Variants in EYS observed in about 807,000 individuals in gnomAD.
The protein encoded by EYS is protein eyes shut homolog.
EYS carries 250 observed loss-of-function variants against 282.1 expected under a neutral mutation model. That is an observed-to-expected ratio of 0.89 (90% CI 0.80 to 0.98). The LOEUF is 0.98. Ranked by LOEUF, EYS falls within the 50% of genes least tolerant of loss-of-function variation. The pLI, the probability that EYS is intolerant of heterozygous loss-of-function variation, is 0.00. For synonymous variants in EYS, 1,355 were observed against 1,282.9 expected (o/e 1.06, Z -1.20); for missense variants, 4,016 against 3,709.0 (o/e 1.08, Z -2.15).
At chr6:65,210,822 A>AAATATTTTTAGACAAAT (rs1491192342) in intron 12 of EYS, among the ~76,000 whole-genome samples, 1 of 151,980 alleles carries the variant, frequency 6.6e-6, no homozygotes, top group Non-Finnish European at 1.5e-5. Context: ...AGTTTTAGAC[A>AAATATTTTTAGACAAAT]AAGTTTTAAA....
intron 8 of EYS, among the ~76,000 whole-genome samples, chr6:65,374,273 G>A (rs1402672243): frequency 1.3e-5 from 2 of 152,210 alleles, no homozygotes; most frequent in Non-Finnish European, 2.9e-5. Context: ...CCTCACCTAG[G>A]AAGTGTGAGT....
At chr6:64,506,211 A>C (rs1052677787) in intron 26 of EYS, among the ~76,000 whole-genome samples, 2 of 152,180 alleles carry the variant, frequency 1.3e-5, no homozygotes, top group African/African-American at 4.8e-5. Flanking sequence ...TGGTTATGGG[A>C]CATTGCATTT....
intron 26 of EYS, among the ~76,000 whole-genome samples, chr6:64,543,873 T>C (rs565854206): frequency 2.0e-5 from 3 of 152,292 alleles, no homozygotes; most frequent in Admixed American, 1.3e-4. Flanking sequence ...TAAGAGATCT[T>C]AAGGTATCAC....
chr6:63,947,242 T>C (rs971274637), intron 35 of EYS, among the ~76,000 whole-genome samples: 1 of 152,104 alleles, frequency 6.6e-6, no homozygotes, highest in African/African-American at 2.4e-5. Flanking sequence ...TTTTCTAGTT[T>C]GTGTGACCTT....
intron 13 of EYS, among the ~76,000 whole-genome samples, chr6:65,045,436 A>C (rs945527191): frequency 6.6e-6 from 1 of 151,832 alleles, no homozygotes. Context: ...CCAATGTGAA[A>C]GTTTTGGAGA....
At chr6:65,358,241 C>A (rs1327788015) in intron 8 of EYS, among the ~76,000 whole-genome samples, 1 of 151,738 alleles carries the variant, frequency 6.6e-6, no homozygotes, top group Non-Finnish European at 1.5e-5. Context: ...GATTAGGTGA[C>A]AAATATTTAA....
At chr6:65,381,458 G>A (rs13196323) in intron 8 of EYS, among the ~76,000 whole-genome samples, 62,419 of 151,334 alleles carry the variant, frequency 0.41, 13,871 homozygotes, top group South Asian at 0.5. Context: ...ACACACCGAG[G>A]CCTGTCGGGC....
chr6:65,006,348 T>A (rs1332636838), intron 13 of EYS, among the ~76,000 whole-genome samples: 1 of 151,940 alleles, frequency 6.6e-6, no homozygotes, highest in African/African-American at 2.4e-5. Flanking sequence ...TCAGTGTAAA[T>A]AAGGGCTTAG....
chr6:63,778,554 G>A lies in EYS; in HGVS notation c.7724-374C>T, dbSNP rs893123203. Among the ~76,000 whole-genome samples, 7 of 151,982 alleles carry A rather than the reference G, an allele frequency of 4.6e-5. No individual in the cohort carries two copies. The South Asian group carries it at 1.5e-3, about 31-fold the overall frequency. On this transcript the variant is annotated intron_variant, in intron 39 of 42. Coordinates refer to ENST00000503581, the MANE Select transcript of EYS (RefSeq NM_001142800.2). ...TTCTTGTAGCATTAACTATTTTTAA[G>A]TGATGGCATATTTTCTTATATCAAA...
intron 15 of EYS, among the ~76,000 whole-genome samples, chr6:64,926,034 C>T (rs1187799162): frequency 6.6e-6 from 1 of 152,148 alleles, no homozygotes; most frequent in Non-Finnish European, 1.5e-5. Context: ...GCTGTGCTCT[C>T]GTACTCCCAA....
intron 12 of EYS, among the ~76,000 whole-genome samples, chr6:65,151,975 A>G (rs1415920707): frequency 6.6e-6 from 1 of 151,866 alleles, no homozygotes; most frequent in Non-Finnish European, 1.5e-5. Context: ...CATTTGTAAA[A>G]TATGTTTTTA....
intron 35 of EYS, among the ~76,000 whole-genome samples, chr6:63,880,846 A>C (rs1773113997): frequency 6.6e-6 from 1 of 152,206 alleles, no homozygotes; most frequent in South Asian, 2.1e-4. Flanking sequence ...ATCTCTTGGA[A>C]TCAGTTGACA....
chr6:63,720,718 T>TA lies in EYS; in HGVS notation c.9312dup (p.Lys3105Ter). On this transcript the variant is annotated frameshift_variant, in exon 43 of 43. Transcript: ENST00000503581. LOFTEE classifies it high-confidence loss of function. ...TTAATTTTGCCAACAAAATTGGTTTTAAAAATCTCTTGAGTAACGATATTT... is the reference window on the plus strand; with the variant it reads ...TTAATTTTGCCAACAAAATTGGTTTTAAAAAATCTCTTGAGTAACGATATTT... 6.5e-7 allele frequency: 1 copy of TA among 1,549,090 alleles called. No individual in the cohort carries two copies. Among genetic ancestry groups the TA allele is most frequent in the Non-Finnish European group, 8.7e-7 (1 of 1,146,038 alleles).
At chr6:64,653,730 A>AT (rs10680654) in intron 22 of EYS, among the ~76,000 whole-genome samples, 2,663 of 136,882 alleles carry the variant, frequency 0.019, 66 homozygotes, top group South Asian at 0.032. Context: ...ATGCCCAGCT[A>AT]TTTTTTTTTT....
chr6:64,743,139 C>T (rs1031049418), intron 22 of EYS, among the ~76,000 whole-genome samples: 1 of 151,958 alleles, frequency 6.6e-6, no homozygotes, highest in Non-Finnish European at 1.5e-5. Context: ...ACAAAATGAA[C>T]AAATGTGATA....
chr6:64,365,793 T>G (rs183794083), intron 29 of EYS, among the ~76,000 whole-genome samples: 123 of 152,154 alleles, frequency 8.1e-4, no homozygotes, highest in African/African-American at 3.0e-3. Context: ...TATTAAGAAT[T>G]ACATGAATGT....
chr6:63,907,196 A>G (rs1047169019), intron 35 of EYS, among the ~76,000 whole-genome samples: 1 of 152,182 alleles, frequency 6.6e-6, no homozygotes, highest in Non-Finnish European at 1.5e-5. Flanking sequence ...TAGTTTATAA[A>G]TTAAGAATAT....
intron 34 of EYS, among the ~76,000 whole-genome samples, chr6:63,996,664 C>T (rs767680055): frequency 3.9e-5 from 6 of 152,070 alleles, no homozygotes; most frequent in African/African-American, 1.2e-4. Context: ...GGTTTGAATC[C>T]CCAAATAGCT....
At chr6:64,530,016 G>T (rs1025501346) in intron 26 of EYS, among the ~76,000 whole-genome samples, 6 of 152,032 alleles carry the variant, frequency 3.9e-5, no homozygotes, top group African/African-American at 1.4e-4. Flanking sequence ...GGAGAAGCAA[G>T]AAGTATTCAA....
Sources: allele counts gnomAD v4.1 joint callset (sites outside exome capture counted in the v4.1 genomes callset), GRCh38; gene constraint gnomAD v4.1.1; transcripts MANE v1.5; gene names NCBI Gene and HGNC (gene_info 2026-07-23, HGNC 2026-07-21).